Variants in PYGB observed in about 807,000 individuals in gnomAD.
The protein encoded by PYGB is glycogen phosphorylase B.
PYGB carries 82 observed loss-of-function variants against 94.3 expected under a neutral mutation model. The ratio of observed to expected loss-of-function variants is 0.87; its 90% CI spans 0.73 to 1.04. The LOEUF (loss-of-function observed/expected upper bound fraction) is 1.04, where lower values mean the gene tolerates loss of function less well. Ranked by LOEUF, PYGB falls within the 50% of genes least tolerant of loss-of-function variation. The pLI is 0.00. For synonymous variants in PYGB, 488 were observed against 479.1 expected, an observed-to-expected ratio of 1.02 and a Z score of -0.24; for missense variants, 1,132 against 1,158.2, an observed-to-expected ratio of 0.98 and a Z score of 0.33.
chr20:25,286,259 C>T (rs556638276), intron 14 of PYGB, among the ~76,000 whole-genome samples: 2 of 152,268 alleles, frequency 1.3e-5, no homozygotes, highest in African/African-American at 4.8e-5. Context: ...TGCAGTGTGG[C>T]GTGAGGTGGC....
chr20:25,272,852 C>T (rs1163552041), intron 4 of PYGB, among the ~76,000 whole-genome samples: 1 of 152,214 alleles, frequency 6.6e-6, no homozygotes, highest in African/African-American at 2.4e-5. Flanking sequence ...GTTTATAAGG[C>T]AGAAGCTCAG....
chr20:25,275,077 G>C (rs1600730710), intron 5 of PYGB, among the ~76,000 whole-genome samples: 1 of 152,244 alleles, frequency 6.6e-6, no homozygotes, highest in African/African-American at 2.4e-5. Flanking sequence ...TGATGGGATG[G>C]GGGCACGGAC....
intron 14 of PYGB, among the ~76,000 whole-genome samples, chr20:25,286,514 C>T (rs997163627): frequency 2.0e-4 from 30 of 152,296 alleles, no homozygotes; most frequent in African/African-American, 6.5e-4. Context: ...TGGCCTGTGG[C>T]GGGGCTGGGT....
At chr20:25,249,896 C>G (rs6083788) in intron 1 of PYGB, among the ~76,000 whole-genome samples, 1 of 150,696 alleles carries the variant, frequency 6.6e-6, no homozygotes, top group African/African-American at 2.4e-5. Flanking sequence ...TAGCGTGAAG[C>G]TAGAGTGCAG....
intron 1 of PYGB, among the ~76,000 whole-genome samples, chr20:25,255,152 G>T (rs890878464): frequency 6.6e-6 from 1 of 152,192 alleles, no homozygotes; most frequent in Non-Finnish European, 1.5e-5. Context: ...CATCCTTACA[G>T]CAGATACAGT....
At chr20:25,253,696 C>T (rs1416602357) in intron 1 of PYGB, among the ~76,000 whole-genome samples, 1 of 151,946 alleles carries the variant, frequency 6.6e-6, no homozygotes, top group East Asian at 1.9e-4. Context: ...AGCCATATTT[C>T]CTTTTAAACT....
intron 5 of PYGB, 22 bp downstream of exon 5, chr20:25,274,745 C>A (rs1455747450): frequency 1.2e-6 from 2 of 1,606,940 alleles, no homozygotes; most frequent in East Asian, 4.5e-5. Flanking sequence ...GAAATGTCTG[C>A]GGGCAAGGCT....
At chr20:25,290,644 G>A in intron 16 of PYGB, 22 bp downstream of exon 16, 1 of 1,588,376 alleles carries the variant, frequency 6.3e-7, no homozygotes. Context: ...AGCCTGTGTT[G>A]GACAGAAAAC....
intron 2 of PYGB, among the ~76,000 whole-genome samples, chr20:25,263,941 A>G (rs2092918990): frequency 6.6e-6 from 1 of 152,238 alleles, no homozygotes. Context: ...TGAGTCCAGC[A>G]TCATCCTGAT....
At chr20:25,290,444 C>A (rs1226368375) in intron 15 of PYGB, 37 bp from the exon 16 acceptor site, 3 of 1,592,922 alleles carry the variant, frequency 1.9e-6, no homozygotes, top group African/African-American at 2.7e-5. Context: ...CTGAACAAGG[C>A]ATTTTTGTGC....
At chr20:25,279,594 TCA>T (rs1288925009) in intron 9 of PYGB, among the ~76,000 whole-genome samples, 4 of 152,024 alleles carry the variant, frequency 2.6e-5, no homozygotes, top group Non-Finnish European at 5.9e-5. Flanking sequence ...ATGTGGTGAC[TCA>T]CACCCGTAAT....
intron 18 of PYGB, chr20:25,294,687 C>G (rs781006355): frequency 7.1e-5 from 42 of 588,602 alleles, no homozygotes; most frequent in Non-Finnish European, 1.1e-4. Context: ...GGAACCGCGG[C>G]AGGCGTCAGT....
intron 11 of PYGB, 119 bp from the exon 12 acceptor site, chr20:25,281,914 A>G (rs2088371221): frequency 2.3e-6 from 2 of 867,252 alleles, no homozygotes; most frequent in Middle Eastern, 3.2e-4. Context: ...CTTAGAAAAC[A>G]GAACAGAACC....
intron 10 of PYGB, 57 bp downstream of exon 10, chr20:25,280,469 C>T: frequency 6.3e-7 from 1 of 1,578,014 alleles, no homozygotes; most frequent in Non-Finnish European, 8.7e-7. Context: ...GCCAACGGCC[C>T]CCCACCTGGC....
intron 6 of PYGB, 79 bp downstream of exon 6, chr20:25,276,836 C>T (rs539581741): frequency 1.9e-5 from 26 of 1,338,278 alleles, no homozygotes; most frequent in South Asian, 5.1e-5. Flanking sequence ...GCCTTTACCG[C>T]GCCCTGTGGC....
intron 16 of PYGB, 72 bp downstream of exon 16, chr20:25,290,694 C>T: frequency 1.3e-6 from 2 of 1,558,142 alleles, no homozygotes; most frequent in South Asian, 1.1e-5. Context: ...TGGCCCCGGG[C>T]CTTTCATCCT....
At position 25,248,114 on chromosome 20, in the gene PYGB, T is replaced by A; in HGVS notation, c.-65T>A. On this transcript the variant is annotated 5_prime_UTR_variant, in exon 1 of 20. Coordinates refer to ENST00000216962, the MANE Select transcript of PYGB (RefSeq NM_002862.4). ...CAGCGGCGCCAGAGCAGCTGCACCA[T>A]CCCGGCGTTCGCGTGTGCCGCCGCT... 1 of 1,467,442 alleles carries A rather than the reference T, an allele frequency of 6.8e-7. No individual in the cohort carries two copies. 90.9% of individuals were successfully genotyped at this position (1,467,442 alleles called of 1,614,324 possible). A position where few individuals can be genotyped will look rare whatever the true frequency, so the allele number is the denominator to read the frequency against.
At chr20:25,268,639 A>G (rs1444757010) in intron 2 of PYGB, among the ~76,000 whole-genome samples, 1 of 152,240 alleles carries the variant, frequency 6.6e-6, no homozygotes, top group Non-Finnish European at 1.5e-5. Context: ...GATTAATGGA[A>G]TATTTATCCA....
Position 25,296,706 on chromosome 20 carries a change from A to T in PYGB, c.*184A>T, listed in dbSNP as rs202015775. 1.8e-5 allele frequency: 14 copies of T among 777,532 alleles called. No individual in the cohort carries two copies. The highest frequency in any genetic ancestry group is 3.0e-5 in the Admixed American group (1 of 32,804). The allele number at this position is 777,532 out of a possible 1,614,324, so 48.2% of individuals were successfully genotyped here. Reference sequence around the variant, plus strand: ...CAGGGTAAGGAAGGAATGTGCTAGAAGTGCTCCTAGTTTCTTGTAAAGGAA... The same window carrying T: ...CAGGGTAAGGAAGGAATGTGCTAGATGTGCTCCTAGTTTCTTGTAAAGGAA... On this transcript the variant is annotated 3_prime_UTR_variant, in exon 20 of 20. Transcript: ENST00000216962.
Sources: gnomAD v4.1 joint callset for allele counts (sites outside exome capture counted in the v4.1 genomes callset) on GRCh38, gnomAD v4.1.1 for gene constraint, MANE v1.5 for transcripts, NCBI Gene and HGNC (gene_info 2026-07-23, HGNC 2026-07-21) for gene names.